Variants in SPMIP4 observed in about 807,000 individuals in gnomAD.
SPMIP4 encodes the protein sperm microtubule inner protein 4.
At chr7:25,135,681 G>GT in the SPMIP4 span, 1 of 901,366 alleles carries the variant, frequency 1.1e-6, no homozygotes, top group Non-Finnish European at 1.4e-6. Flanking sequence ...ATTGCTTTTT[G>GT]TGATTTTGGA....
chr7:25,166,065 T>C, the SPMIP4 span, among the ~76,000 whole-genome samples: 9 of 152,114 alleles, frequency 5.9e-5, no homozygotes, highest in East Asian at 1.9e-4. Context: ...AAACCACCAA[T>C]AAGGTTGCAG....
chr7:25,170,890 C>A, the SPMIP4 span, among the ~76,000 whole-genome samples: 1 of 152,164 alleles, frequency 6.6e-6, no homozygotes, highest in Non-Finnish European at 1.5e-5. Context: ...GAGCTACTTA[C>A]CCATAAGTTT....
the SPMIP4 span, chr7:25,158,546 G>A: frequency 2.5e-6 from 4 of 1,605,272 alleles, no homozygotes; most frequent in African/African-American, 5.4e-5. Flanking sequence ...ATAAAAACAG[G>A]AAACAAGTTC....
At chr7:25,130,884 T>C in the SPMIP4 span, among the ~76,000 whole-genome samples, 12 of 152,250 alleles carry the variant, frequency 7.9e-5, no homozygotes, top group African/African-American at 2.9e-4. Flanking sequence ...TATTTGACTT[T>C]CATCATTTTT....
the SPMIP4 span, among the ~76,000 whole-genome samples, chr7:25,126,980 T>TC: frequency 5.3e-5 from 8 of 152,218 alleles, no homozygotes; most frequent in Non-Finnish European, 7.3e-5. Context: ...AAAAGTTTTT[T>TC]CCCTCAGCAC....
chr7:25,153,285 T>G, the SPMIP4 span, among the ~76,000 whole-genome samples: 1 of 152,058 alleles, frequency 6.6e-6, no homozygotes, highest in African/African-American at 2.4e-5. Flanking sequence ...TTTTATGGGC[T>G]GGCCATGGTG....
chr7:25,168,605 T>A, the SPMIP4 span: 1 of 671,942 alleles, frequency 1.5e-6, no homozygotes, highest in Non-Finnish European at 2.4e-6. Context: ...CAGTGTCAGG[T>A]AGATTATGAT....
chr7:25,140,135 T>C, the SPMIP4 span, among the ~76,000 whole-genome samples: 2 of 152,240 alleles, frequency 1.3e-5, no homozygotes, highest in Non-Finnish European at 2.9e-5. Flanking sequence ...TAATATTTTC[T>C]ATACTTAGAG....
the SPMIP4 span, among the ~76,000 whole-genome samples, chr7:25,140,405 G>A: frequency 5.3e-5 from 8 of 152,250 alleles, no homozygotes; most frequent in Non-Finnish European, 5.9e-5. Flanking sequence ...AGATTCAAGC[G>A]ATTCTCCCAC....
At chr7:25,130,312 CTTTTT>C in the SPMIP4 span, among the ~76,000 whole-genome samples, 3 of 131,722 alleles carry the variant, frequency 2.3e-5, no homozygotes, top group Admixed American at 7.7e-5. Flanking sequence ...GTTATCACTT[CTTTTT>C]TTTTTTTTTT....
At chr7:25,134,869 G>T in the SPMIP4 span, 1 of 985,302 alleles carries the variant, frequency 1.0e-6, no homozygotes. Context: ...TGACATTGTT[G>T]CTCCGATTTC....
At chr7:25,175,645 G>A in the SPMIP4 span, among the ~76,000 whole-genome samples, 1 of 152,182 alleles carries the variant, frequency 6.6e-6, no homozygotes, top group Non-Finnish European at 1.5e-5. Flanking sequence ...AAGCTGCTGA[G>A]TGCAAACGTA....
At chr7:25,127,843 T>C in the SPMIP4 span, among the ~76,000 whole-genome samples, 1 of 152,198 alleles carries the variant, frequency 6.6e-6, no homozygotes, top group Non-Finnish European at 1.5e-5. Context: ...CTTCTTGGGA[T>C]GGCTTTCCAA....
chr7:25,156,939 G>A, the SPMIP4 span, among the ~76,000 whole-genome samples: 1 of 151,946 alleles, frequency 6.6e-6, no homozygotes, highest in African/African-American at 2.4e-5. Context: ...CACCTGCCTC[G>A]GCCTCCCAAA....
At chr7:25,150,385 G>GGA in the SPMIP4 span, among the ~76,000 whole-genome samples, 1 of 152,158 alleles carries the variant, frequency 6.6e-6, no homozygotes, top group South Asian at 2.1e-4. Flanking sequence ...CGCTTCGTTA[G>GGA]GACTTCTTTT....
At chr7:25,159,989 GAA>G in the SPMIP4 span, among the ~76,000 whole-genome samples, 12 of 147,882 alleles carry the variant, frequency 8.1e-5, no homozygotes, top group South Asian at 2.1e-4. Context: ...GATTCGAAAT[GAA>G]AAAAAAAAAT....
At chr7:25,168,194 T>C in the SPMIP4 span, 2 of 1,056,106 alleles carry the variant, frequency 1.9e-6, no homozygotes, top group South Asian at 1.6e-5. Context: ...AGAAATAAGT[T>C]TGAAGACAGA....
chr7:25,168,361 G>T, the SPMIP4 span: 1 of 1,613,362 alleles, frequency 6.2e-7, no homozygotes, highest in African/African-American at 1.3e-5. Flanking sequence ...CTCATACTTT[G>T]GCCTGTGGTC....
At chr7:25,176,869 G>C in the SPMIP4 span, among the ~76,000 whole-genome samples, 1 of 152,218 alleles carries the variant, frequency 6.6e-6, no homozygotes, top group East Asian at 1.9e-4. The surrounding 1 kb of genome is among the most constrained non-coding windows in gnomAD (Gnocchi z 4.4). Context: ...AACCGGAGAA[G>C]ATCTGTGGAA....
Sources: gnomAD v4.1 joint callset for allele counts (sites outside exome capture counted in the v4.1 genomes callset) on GRCh38, gnomAD v4.1.1 for gene constraint, Gnocchi (gnomAD v3.1) non-coding constraint, MANE v1.5 for transcripts, NCBI Gene and HGNC (gene_info 2026-07-23, HGNC 2026-07-21) for gene names.